Variants in TET3 observed in about 807,000 individuals in gnomAD.
The protein encoded by TET3 is methylcytosine dioxygenase TET3.
A neutral mutation model predicts 141.4 loss-of-function variants in TET3; 19 were observed. The observed-to-expected ratio is 0.13, with a 90% CI of 0.09 to 0.20. TET3 has a LOEUF of 0.20. TET3 is among the 10% of genes least tolerant of loss of function. The pLI is 1.00. For synonymous variants in TET3, 1,043 were observed against 980.9 expected (o/e 1.06, Z -1.18); for missense variants, 1,874 against 2,356.9 (o/e 0.80, Z 4.24).
intron 3 of TET3, among the ~76,000 whole-genome samples, chr2:74,037,041 C>G (rs1179240096): frequency 6.6e-6 from 1 of 152,184 alleles, no homozygotes; most frequent in African/African-American, 2.4e-5. Flanking sequence ...CCTCTGCCAA[C>G]GTATAATGCT....
intron 3 of TET3, among the ~76,000 whole-genome samples, chr2:74,005,074 C>T (rs1238298425): frequency 6.6e-6 from 1 of 152,174 alleles, no homozygotes; most frequent in African/African-American, 2.4e-5. Flanking sequence ...CGAAAGCACC[C>T]CCTTCCGCTG....
chr2:74,032,567 G>A (rs1686812000), intron 3 of TET3, among the ~76,000 whole-genome samples: 1 of 149,964 alleles, frequency 6.7e-6, no homozygotes, highest in African/African-American at 2.5e-5. Flanking sequence ...GTCATGACCT[G>A]GTTCTTGTGT....
chr2:74,083,586 A>G (rs1310897914), intron 6 of TET3, among the ~76,000 whole-genome samples: 1 of 152,122 alleles, frequency 6.6e-6, no homozygotes, highest in African/African-American at 2.4e-5. Flanking sequence ...CTGCTCAGGT[A>G]TGGATGTGTT....
the TET3 span, among the ~76,000 whole-genome samples, chr2:74,119,074 G>A: frequency 3.3e-5 from 5 of 152,232 alleles, no homozygotes; most frequent in African/African-American, 1.2e-4. Flanking sequence ...GCCAACTTTT[G>A]GCTGGGTGCG....
chr2:74,061,779 G>T (rs1336222699), intron 4 of TET3, among the ~76,000 whole-genome samples: 3 of 143,564 alleles, frequency 2.1e-5, no homozygotes, highest in Middle Eastern at 3.5e-3. Context: ...CCTCCCAGAC[G>T]GGGTCGCGGC....
chr2:74,030,338 A>G (rs1048685765), intron 3 of TET3, among the ~76,000 whole-genome samples: 3 of 152,204 alleles, frequency 2.0e-5, no homozygotes, highest in Non-Finnish European at 4.4e-5. Flanking sequence ...GTATTCTGCT[A>G]TTCTTCCTAT....
chr2:74,128,425 A>G, the TET3 span, among the ~76,000 whole-genome samples: 1 of 152,214 alleles, frequency 6.6e-6, no homozygotes, highest in Non-Finnish European at 1.5e-5. Context: ...AGCCAAGGGG[A>G]CATGATGACT....
chr2:74,091,472 A>G (rs188107346), intron 8 of TET3, among the ~76,000 whole-genome samples: 48 of 152,348 alleles, frequency 3.2e-4, no homozygotes, highest in African/African-American at 1.0e-3. Flanking sequence ...CCTTAAGCCC[A>G]TGTGGCTAGT....
chr2:74,105,687 T>C lies in TET3; in HGVS notation c.*3511T>C, dbSNP rs1196989715. The C allele has an allele frequency of 5.0e-6, 1 of 201,886 alleles. No homozygotes were observed. The highest frequency in any genetic ancestry group is 8.3e-6 in the Non-Finnish European group (1 of 120,010). The allele number at this position is 201,886 out of a possible 1,614,324, so 12.5% of individuals were successfully genotyped here. A position where few individuals can be genotyped will look rare whatever the true frequency, so the allele number is the denominator to read the frequency against. The stretch of plus-strand genomic sequence containing the variant: ...ACAGTAGTTTGCAGAGCAAGGGATT[T>C]TTAAAGCGCTAAAGCAAGGAAAGAA... On this transcript the variant is annotated 3_prime_UTR_variant, in exon 12 of 12. Transcript: ENST00000409262.
In TET3 at chr2:74,102,348, A is replaced by C. The variant is rs1572908822; in HGVS notation, c.*172A>C. The C allele has an allele frequency of 1.9e-6, 2 of 1,067,806 alleles. No individual in the cohort carries two copies. The highest frequency in any genetic ancestry group is 1.2e-6 in the Non-Finnish European group (1 of 841,206). 66.1% of individuals were successfully genotyped at this position (1,067,806 alleles called of 1,614,324 possible). ...ATTTATGGTCCAAACCTCAGAACTGACCCGCCCCTCCCTTACCCCCACTTC... is the reference window on the plus strand; with the variant it reads ...ATTTATGGTCCAAACCTCAGAACTGCCCCGCCCCTCCCTTACCCCCACTTC... On this transcript the variant is annotated 3_prime_UTR_variant, in exon 12 of 12. Transcript: ENST00000409262.
At chr2:74,062,313 G>A (rs1412233908) in intron 4 of TET3, among the ~76,000 whole-genome samples, 1 of 152,216 alleles carries the variant, frequency 6.6e-6, no homozygotes, top group Non-Finnish European at 1.5e-5. Flanking sequence ...TTCTAGAGAT[G>A]AATCAAAATA....
chr2:74,039,355 A>ACCCACCTG (rs943186586), intron 3 of TET3, among the ~76,000 whole-genome samples: 1 of 152,132 alleles, frequency 6.6e-6, no homozygotes, highest in African/African-American at 2.4e-5. Context: ...CTTCCTGGAC[A>ACCCACCTG]CCCACCTGCC....
At position 74,046,256 on chromosome 2, in the gene TET3, T is replaced by TC. The variant is rs11426743; in HGVS notation, c.361-17dup. 426,387 of 1,474,670 alleles carry TC rather than the reference T, an allele frequency of 0.29. 63,881 individuals carry two copies. The highest frequency in any genetic ancestry group is 0.42 in the African/African-American group (29,816 of 71,074). 91.3% of individuals were successfully genotyped at this position (1,474,670 alleles called of 1,614,324 possible). On this transcript the variant is annotated intron_variant, in intron 3 of 11. Transcript: ENST00000409262. The surrounding 1 kb of genome is among the most constrained non-coding windows in gnomAD (Gnocchi z 4.3). ...TAGTGTGGTTCATTTTTTTCCTTTT[T>TC]CCCCCTTCTCTCTCTCTTTAGACAG... is the stretch of plus-strand genomic sequence containing the variant.
At chr2:74,128,509 A>G in the TET3 span, among the ~76,000 whole-genome samples, 1 of 152,204 alleles carries the variant, frequency 6.6e-6, no homozygotes, top group Non-Finnish European at 1.5e-5. Context: ...ACTTGAATAA[A>G]GTATGGGCTC....
At chr2:74,030,077 TG>T (rs2105285940) in intron 3 of TET3, among the ~76,000 whole-genome samples, 1 of 151,662 alleles carries the variant, frequency 6.6e-6, no homozygotes, top group South Asian at 2.1e-4. Context: ...GGACTCTGTT[TG>T]TTCACTACTC....
intron 8 of TET3, among the ~76,000 whole-genome samples, chr2:74,092,374 C>T (rs1273184435): frequency 2.0e-5 from 3 of 152,034 alleles, no homozygotes; most frequent in East Asian, 1.9e-4. Context: ...TTACGTAGTA[C>T]GAGTCTAGCA....
intron 3 of TET3, among the ~76,000 whole-genome samples, chr2:74,004,753 C>T (rs970053957): frequency 6.6e-6 from 1 of 152,150 alleles, no homozygotes; most frequent in Admixed American, 6.5e-5. Context: ...AGTTGGCTCT[C>T]ACTACACACT....
At chr2:74,111,183 T>C (rs1273217649), downstream of TET3, among the ~76,000 whole-genome samples, 1 of 152,068 alleles carries the variant, frequency 6.6e-6, no homozygotes, top group African/African-American at 2.4e-5. Context: ...TCTTGTCCTT[T>C]AAACACAAAT....
At position 74,107,712 on chromosome 2, in the gene TET3, A is replaced by C. The variant is rs1374860041; in HGVS notation, c.*5536A>C. 6.6e-6 allele frequency: 1 copy of C among 152,186 alleles called. No individual in the cohort carries two copies. Among genetic ancestry groups the C allele is most frequent in the East Asian group, 1.9e-4 (1 of 5,200 alleles). 9.4% of individuals were successfully genotyped at this position (152,186 alleles called of 1,614,324 possible). The stretch of plus-strand genomic sequence containing the variant: ...TATCTCTTTGAATTCCTGTTTGGTT[A>C]CTTGGCTTCCAATGGAGGTGAACTT... On this transcript the variant is annotated 3_prime_UTR_variant, in exon 12 of 12. Transcript: ENST00000409262.
Sources: gnomAD v4.1 joint callset for allele counts (sites outside exome capture counted in the v4.1 genomes callset) on GRCh38, gnomAD v4.1.1 for gene constraint, Gnocchi (gnomAD v3.1) non-coding constraint, MANE v1.5 for transcripts, NCBI Gene and HGNC (gene_info 2026-07-23, HGNC 2026-07-21) for gene names.